TANC2: variants seen among roughly 807,000 people sequenced by gnomAD.
TANC2 encodes protein TANC2.
TANC2 carries 26 observed loss-of-function variants against 210.5 expected under a neutral mutation model. That is an observed-to-expected ratio of 0.12 (90% confidence interval 0.09 to 0.17). The LOEUF is 0.17. Ranked by LOEUF, TANC2 falls within the 10% of genes least tolerant of loss-of-function variation. TANC2 has a pLI of 1.00. For missense variants in TANC2, 2,129 were observed against 2,608.9 expected, an observed-to-expected ratio of 0.82 and a Z score of 4.01; for synonymous variants, 931 against 967.1, an observed-to-expected ratio of 0.96 and a Z score of 0.69.
chr17:63,413,224 C>A, intron 24 of TANC2: 1 of 259,180 alleles, frequency 3.9e-6, no homozygotes, highest in East Asian at 7.3e-5. Context: ...TAATATAAAT[C>A]CTTCCTCCCA....
intron 10 of TANC2, 68 bp downstream of exon 10, chr17:63,314,737 A>G (rs1314347370): frequency 6.4e-7 from 1 of 1,556,860 alleles, no homozygotes; most frequent in East Asian, 2.2e-5. Context: ...TATTTATATT[A>G]GGTCGTATAT....
chr17:63,185,781 G>C (rs2040960845), intron 5 of TANC2, among the ~76,000 whole-genome samples: 1 of 152,070 alleles, frequency 6.6e-6, no homozygotes, highest in Non-Finnish European at 1.5e-5. Context: ...GTGCTTATTA[G>C]CTATTTGGAT....
intron 4 of TANC2, chr17:63,150,801 T>C (rs879431640): frequency 2.0e-5 from 3 of 152,186 alleles, no homozygotes; most frequent in African/African-American, 7.2e-5. Flanking sequence ...ACCTTTTGAT[T>C]ACAGTTATTA....
Position 63,421,710 on chromosome 17 carries a change from C to G in TANC2, c.5980C>G (p.Gln1994Glu), listed in dbSNP as rs750533826. 7 of 1,613,934 alleles carry G rather than the reference C, an allele frequency of 4.3e-6. No individual in the cohort carries two copies. ...CTTTTATAACAAAACCAACAATGCA[C>G]AGAATGGCCATTTGCTGGAGGACGA... Residue 1994 changes from glutamine (Q) to glutamate (E), a missense_variant, in exon 28 of 28, where the codon CAG becomes GAG. Physicochemically the swap from Gln to Glu is conservative, Grantham distance 29. This residue lies in a region of TANC2 where 161 missense variants were observed against 178.6 expected (regional missense o/e 0.90). Coordinates refer to ENST00000689528, the Ensembl canonical transcript of TANC2. The surrounding 1 kb of genome is among the most constrained non-coding windows in gnomAD (Gnocchi z 6.9).
At chr17:63,162,233 G>C (rs185494894) in intron 5 of TANC2, among the ~76,000 whole-genome samples, 2 of 151,780 alleles carry the variant, frequency 1.3e-5, no homozygotes, top group East Asian at 3.9e-4. Context: ...GAACCCAGGA[G>C]TTTGAGGCTG....
At chr17:63,014,647 G>A (rs1326128689) in intron 2 of TANC2, among the ~76,000 whole-genome samples, 1 of 152,112 alleles carries the variant, frequency 6.6e-6, no homozygotes, top group Non-Finnish European at 1.5e-5. Context: ...CTAGACAGAC[G>A]TTTTAGCAAA....
At chr17:63,250,506 C>T (rs985671499) in intron 8 of TANC2, among the ~76,000 whole-genome samples, 1 of 152,062 alleles carries the variant, frequency 6.6e-6, no homozygotes, top group Admixed American at 6.6e-5. Flanking sequence ...CCTATAGAGC[C>T]GTCATTGGTG....
intron 5 of TANC2, among the ~76,000 whole-genome samples, chr17:63,191,524 A>G (rs1416167757): frequency 6.6e-6 from 1 of 151,828 alleles, no homozygotes; most frequent in Non-Finnish European, 1.5e-5. Context: ...GTGCAGTGAC[A>G]TGATCATGGC....
At chr17:63,314,693 T>G (rs1434566573) in intron 10 of TANC2, 24 bp downstream of exon 10, 1 of 1,604,358 alleles carries the variant, frequency 6.2e-7, no homozygotes, top group East Asian at 2.2e-5. Context: ...TTTAAAGAAC[T>G]CCCTGTTTCA....
At chr17:63,311,506 T>A (rs1490022344) in intron 9 of TANC2, among the ~76,000 whole-genome samples, 1 of 152,296 alleles carries the variant, frequency 6.6e-6, no homozygotes, top group Admixed American at 6.5e-5. Context: ...TTATCTACTA[T>A]CCCTCAGTTT....
intron 8 of TANC2, among the ~76,000 whole-genome samples, chr17:63,262,223 C>G (rs555763440): frequency 1.3e-5 from 2 of 152,192 alleles, no homozygotes; most frequent in Non-Finnish European, 2.9e-5. Context: ...GAGTCTCACT[C>G]TGTCGCCCAG....
intron 3 of TANC2, among the ~76,000 whole-genome samples, chr17:63,098,453 CACACACACACACACACACACACACACA>C (rs1567720715): frequency 4.1e-4 from 29 of 70,744 alleles, no homozygotes; most frequent in African/African-American, 3.7e-3. Flanking sequence ...CACACACACA[CACACACACACACACACACACACACACA>C]TACACTCTCT....
chr17:63,250,117 A>C (rs1012015353), intron 8 of TANC2, among the ~76,000 whole-genome samples: 1 of 152,102 alleles, frequency 6.6e-6, no homozygotes, highest in African/African-American at 2.4e-5. Flanking sequence ...GTTCCTTCTC[A>C]AAACAAGTCT....
Position 63,418,257 on chromosome 17 carries a change from A to G in TANC2, c.4168-50A>G, listed in dbSNP as rs755069941. 15 of 1,538,152 alleles carry G rather than the reference A, an allele frequency of 9.8e-6. No individual in the cohort carries two copies. Among genetic ancestry groups the G allele is most frequent in the Middle Eastern group, 1.7e-4 (1 of 5,942 alleles). Reference sequence around the variant, plus strand: ...AATTTGTTTTATTCCCAAGTTGTCTATTTTTTATATCTCATCAATGACTCA... The same window carrying G: ...AATTTGTTTTATTCCCAAGTTGTCTGTTTTTTATATCTCATCAATGACTCA... On this transcript the variant is annotated intron_variant, in intron 26 of 27. Coordinates refer to ENST00000689528, the Ensembl canonical transcript of TANC2. The surrounding 1 kb of genome is among the most constrained non-coding windows in gnomAD (Gnocchi z 4.6).
intron 6 of TANC2, 45 bp downstream of exon 6, chr17:63,194,184 C>T (rs2041271250): frequency 6.4e-7 from 1 of 1,569,516 alleles, no homozygotes; most frequent in Non-Finnish European, 8.7e-7. Context: ...TGTGAATCAG[C>T]TTATTATGCC....
In TANC2 at chr17:63,134,884, A is replaced by G. The variant is rs186720629; in HGVS notation, c.323-16386A>G. Among the ~76,000 whole-genome samples, 98 of 152,308 alleles carry G rather than the reference A, an allele frequency of 6.4e-4. No individual in the cohort carries two copies. In the South Asian group the frequency reaches 7.5e-3, roughly 12 times the overall value. On this transcript the variant is annotated intron_variant, in intron 4 of 27. Transcript: ENST00000689528. The stretch of plus-strand genomic sequence containing the variant: ...TTTCTATCTTGAAAGATGCTGGAAA[A>G]GATTTTTTTCTTCCAATTTAGGGGG...
In TANC2 at chr17:63,025,807, A is replaced by AAATT. The variant is rs1568327172; in HGVS notation, c.67+16183_67+16184insTTAA. On this transcript the variant is annotated intron_variant, in intron 2 of 27. Transcript: ENST00000689528. ...TGAGACCCTATCTCAAAAATAAAAT[A>AAATT]AAATAAAATTAAATTAAAATAAAAT... 1.1e-3 allele frequency among the ~76,000 whole-genome samples: 105 copies of AAATT among 98,154 alleles called. 2 individuals carry two copies. Among genetic ancestry groups the AAATT allele is most frequent in the African/African-American group, 3.7e-3 (102 of 27,910 alleles). 64.4% of individuals were successfully genotyped at this position (98,154 alleles called of 152,430 possible).
chr17:63,314,702 C>T, intron 10 of TANC2, 33 bp downstream of exon 10: 1 of 1,601,062 alleles, frequency 6.2e-7, no homozygotes, highest in Admixed American at 1.7e-5. Flanking sequence ...CTCCCTGTTT[C>T]ATTGGCGCTG....
intron 12 of TANC2, among the ~76,000 whole-genome samples, chr17:63,344,242 C>G (rs142401592): frequency 2.6e-5 from 4 of 152,184 alleles, no homozygotes; most frequent in Non-Finnish European, 5.9e-5. Context: ...AGTTTCATCC[C>G]TAAACCATCC....
Sources: allele counts gnomAD v4.1 joint callset (sites outside exome capture counted in the v4.1 genomes callset), GRCh38; gene constraint gnomAD v4.1.1; regional missense constraint gnomAD v4.1.1; non-coding constraint Gnocchi (gnomAD v3.1); transcripts MANE v1.5; gene names NCBI Gene and HGNC (gene_info 2026-07-23, HGNC 2026-07-21).